The following ZNF337 variants were observed in gnomAD, a reference collection of about 807,000 sequenced individuals.
ZNF337 encodes zinc finger protein 337.
A neutral mutation model predicts 12.1 loss-of-function variants in ZNF337; 8 were observed. The ratio of observed to expected loss-of-function variants is 0.66; its 90% CI spans 0.39 to 1.19. The LOEUF (loss-of-function observed/expected upper bound fraction) is 1.19, where lower values mean the gene tolerates loss of function less well. ZNF337 is among the 50% of genes most tolerant of loss of function. The probability of loss-of-function intolerance (pLI) is 0.01; values close to 1 mark genes in which losing one functional copy is unlikely to be tolerated. For missense variants in ZNF337, 882 were observed against 896.6 expected, an observed-to-expected ratio of 0.98 and a Z score of 0.21; for synonymous variants, 336 against 320.0, an observed-to-expected ratio of 1.05 and a Z score of -0.53.
rs539014226 is a variant in ZNF337, at chr20:25,676,661, T to A, written c.627A>T (p.Thr209=). 3 of 1,614,228 alleles carry A rather than the reference T, an allele frequency of 1.9e-6. No individual in the cohort carries two copies. The South Asian group carries it at 3.3e-5, about 18-fold the overall frequency. ...TAAAGCCCTGGTGACACTCCCTGCA[T>A]GTAAAAAGTTTCTGCCTGGAATGTG... is the stretch of plus-strand genomic sequence containing the variant. The part of the protein sequence containing the change: ...KKAHSRQKLF[T]CRECHQGFRD... The change falls in exon 5 of 5, where the codon ACA becomes ACT. Residue 209 remains threonine (T), a synonymous_variant. Transcript: ENST00000252979.
rs758246927 is a variant in ZNF337 at position 25,674,451 on chromosome 20, G to A, written c.*581C>T. On this transcript the variant is annotated 3_prime_UTR_variant, in exon 5 of 5. Transcript: ENST00000252979. ...AAGGGCACCTGATCCCATTCGCAAAGCTCTATCTTCGTGACTTGACTTAAT... is the reference window on the plus strand; with the variant it reads ...AAGGGCACCTGATCCCATTCGCAAAACTCTATCTTCGTGACTTGACTTAAT... 6.5e-6 allele frequency: 1 copy of A among 152,694 alleles called. No homozygotes were observed. Among genetic ancestry groups the A allele is most frequent in the African/African-American group, 2.4e-5 (1 of 41,428 alleles). 9.5% of individuals were successfully genotyped at this position (152,694 alleles called of 1,614,324 possible). A position where few individuals can be genotyped will look rare whatever the true frequency, so the allele number is the denominator to read the frequency against.
intron 4 of ZNF337, among the ~76,000 whole-genome samples, chr20:25,681,602 T>C (rs1231787831): frequency 3.3e-5 from 5 of 152,186 alleles, no homozygotes; most frequent in African/African-American, 1.2e-4. Context: ...TTAAGGCATA[T>C]TGAACAAAAT....
chr20:25,674,952 T>C lies in ZNF337; in HGVS notation c.*80A>G. ...CTCTGTTATATCTTCACGAACAAGT[T>C]ATGCAGCCTCAACTAAAGCTTGTAA... On this transcript the variant is annotated 3_prime_UTR_variant, in exon 5 of 5. Transcript: ENST00000252979. The C allele has an allele frequency of 1.5e-6, 2 of 1,331,756 alleles. No individual in the cohort carries two copies. Among genetic ancestry groups the C allele is most frequent in the South Asian group, 1.4e-5 (1 of 73,330 alleles). The allele number at this position is 1,331,756 out of a possible 1,614,324, so 82.5% of individuals were successfully genotyped here.
At position 25,674,732 on chromosome 20, in the gene ZNF337, G is replaced by A; in HGVS notation, c.*300C>T. On this transcript the variant is annotated 3_prime_UTR_variant, in exon 5 of 5. Coordinates refer to ENST00000252979, the MANE Select transcript of ZNF337 (RefSeq NM_015655.4). ...AGTCACTGGCTAAGAGCAGTCCTTA[G>A]AAAGCACAGCCTGGCACAAATACAA... is the stretch of plus-strand genomic sequence containing the variant. The A allele has an allele frequency of 2.6e-6, 1 of 388,024 alleles. No homozygotes were observed. The highest frequency in any genetic ancestry group is 3.5e-5 in the South Asian group (1 of 28,948). The allele number at this position is 388,024 out of a possible 1,614,324, so 24.0% of individuals were successfully genotyped here.
intron 4 of ZNF337, among the ~76,000 whole-genome samples, chr20:25,682,003 C>G (rs1030991801): frequency 2.6e-5 from 4 of 152,138 alleles, no homozygotes; most frequent in African/African-American, 9.7e-5. Context: ...GGCAGATCGA[C>G]AGGTGTTCAT....
At chr20:25,693,551 G>A (rs867686570) in intron 1 of ZNF337, among the ~76,000 whole-genome samples, 2 of 152,146 alleles carry the variant, frequency 1.3e-5, no homozygotes, top group African/African-American at 2.4e-5. Context: ...TACAAGACCT[G>A]GTCTGCACCA....
At position 25,675,889 on chromosome 20, in the gene ZNF337, G is replaced by A. The variant is rs16987972; in HGVS notation, c.1399C>T (p.Arg467Ter). 3.5e-5 allele frequency: 57 copies of A among 1,613,954 alleles called. No homozygotes were observed. The highest frequency in any genetic ancestry group is 1.8e-4 in the East Asian group (8 of 44,876). The change falls in exon 5 of 5, where the codon CGA becomes TGA. Residue 467 changes from arginine to a stop codon, truncating the protein, a stop_gained. Transcript: ENST00000252979. LOFTEE classifies it low-confidence loss of function (END_TRUNC). ...AAGGTTGACTTTTGGATAAAGCCTC[G>A]TCCACAGTCCTTGCACACAAAAGGC... Reference protein sequence around the residue: ...EKPFVCKDCGRGFIQKSTFTL... With the variant: ...EKPFVCKDCG
chr20:25,689,896 C>G (rs1263218594), intron 1 of ZNF337, among the ~76,000 whole-genome samples: 1 of 152,162 alleles, frequency 6.6e-6, no homozygotes, highest in Non-Finnish European at 1.5e-5. Flanking sequence ...AAAAAATTGG[C>G]TAAAATAATC....
At chr20:25,690,903 T>C (rs966870810) in intron 1 of ZNF337, among the ~76,000 whole-genome samples, 4 of 152,164 alleles carry the variant, frequency 2.6e-5, no homozygotes, top group Non-Finnish European at 5.9e-5. Context: ...AAAAGGAGGT[T>C]GTTTTTTCCA....
In ZNF337 at chr20:25,675,451, A is replaced by C; in HGVS notation, c.1837T>G (p.Ser613Ala). ...GCAAGCTGGTGTTTCACAAGATTTG[A>C]CTTCCAGATAAATCCTTGCCCACAT... ...SECGQGFIWK[S>A]NLVKHQLAHS... The change falls in exon 5 of 5, where the codon TCA becomes GCA. Residue 613 changes from serine to alanine, a missense_variant. Transcript: ENST00000252979. 6.2e-7 allele frequency: 1 copy of C among 1,613,042 alleles called. No individual in the cohort carries two copies. The highest frequency in any genetic ancestry group is 8.5e-7 in the Non-Finnish European group (1 of 1,179,746).
At chr20:25,696,682 G>A (rs2065935259) in intron 1 of ZNF337, 77 bp downstream of exon 1, 2 of 945,250 alleles carry the variant, frequency 2.1e-6, no homozygotes, top group Non-Finnish European at 1.3e-6. Context: ...GCGCCCTCAC[G>A]TCCCAGGCCT....
chr20:25,690,790 G>A (rs566605891), intron 1 of ZNF337, among the ~76,000 whole-genome samples: 46 of 152,290 alleles, frequency 3.0e-4, no homozygotes, highest in African/African-American at 1.1e-3. Context: ...AAAGGCCTGA[G>A]AAAATCTTAA....
chr20:25,688,534 T>C (rs1027815748), intron 1 of ZNF337, among the ~76,000 whole-genome samples: 2 of 152,190 alleles, frequency 1.3e-5, no homozygotes, highest in African/African-American at 4.8e-5. Context: ...CCATTAAATA[T>C]GATGATTGCA....
chr20:25,676,931 T>C lies in ZNF337; in HGVS notation c.357A>G (p.Glu119=). Reference sequence around the variant, plus strand: ...TAGTGCTTTTTTCTTTCTCTTGACCTTCAGCTGTGTCACTCTGGAAGCTTT... The same window carrying C: ...TAGTGCTTTTTTCTTTCTCTTGACCCTCAGCTGTGTCACTCTGGAAGCTTT... The part of the protein sequence containing the change: ...SDQSFQSDTA[E]GQEKEKSTKP... Residue 119 remains glutamate, a synonymous_variant, in exon 5 of 5, where the codon GAA becomes GAG. Transcript: ENST00000252979. The C allele has an allele frequency of 1.2e-6, 2 of 1,614,182 alleles. No individual in the cohort carries two copies. Among genetic ancestry groups the C allele is most frequent in the Non-Finnish European group, 1.7e-6 (2 of 1,180,030 alleles).
In ZNF337 at chr20:25,673,967, C is replaced by G. The variant is rs959294820; in HGVS notation, c.*1065G>C. The G allele has an allele frequency of 6.6e-6, 1 of 152,224 alleles. No individual in the cohort carries two copies. The allele number at this position is 152,224 out of a possible 1,614,324, so 9.4% of individuals were successfully genotyped here. On this transcript the variant is annotated 3_prime_UTR_variant, in exon 5 of 5. Coordinates refer to ENST00000252979, the MANE Select transcript of ZNF337 (RefSeq NM_015655.4). Reference sequence around the variant, plus strand: ...AAATATTTTGCAGCTAACCACCTACCTGTGCCCCACCAGCCAACATGCTTT... The same window carrying G: ...AAATATTTTGCAGCTAACCACCTACGTGTGCCCCACCAGCCAACATGCTTT...
At chr20:25,688,150 T>A (rs2065851619) in intron 1 of ZNF337, among the ~76,000 whole-genome samples, 1 of 152,262 alleles carries the variant, frequency 6.6e-6, no homozygotes, top group Non-Finnish European at 1.5e-5. Flanking sequence ...TATTCCAAAG[T>A]CACAAAGATA....
At chr20:25,686,894 T>A (rs990982160) in intron 1 of ZNF337, 1 of 188,642 alleles carries the variant, frequency 5.3e-6, no homozygotes, top group African/African-American at 2.3e-5. Context: ...GCAGATGGCA[T>A]TGGCAGTTAT....
chr20:25,685,954 C>A, intron 3 of ZNF337, 42 bp downstream of exon 3: 1 of 1,583,350 alleles, frequency 6.3e-7, no homozygotes, highest in Non-Finnish European at 8.6e-7. Flanking sequence ...ACATCAGAGG[C>A]ACCACAGGCC....
At position 25,675,155 on chromosome 20, in the gene ZNF337, C is replaced by T. The variant is rs966114077; in HGVS notation, c.2133G>A (p.Arg711=). The T allele has an allele frequency of 4.3e-6, 7 of 1,614,106 alleles. No homozygotes were observed. In the Admixed American group the frequency reaches 8.3e-5, roughly 19 times the overall value. The change falls in exon 5 of 5, where the codon AGG becomes AGA. Residue 711 remains arginine (R), a synonymous_variant. Coordinates refer to ENST00000252979, the MANE Select transcript of ZNF337 (RefSeq NM_015655.4). Reference sequence around the variant, plus strand: ...GTCCACACTCTTGGCATTCATAAGGCCTCTCTCCTGTGTGTATTCTTTCAT... The same window carrying T: ...GTCCACACTCTTGGCATTCATAAGGTCTCTCTCCTGTGTGTATTCTTTCAT... ...TVHERIHTGE[R]PYECQECGRK...
Sources: allele counts gnomAD v4.1 joint callset (sites outside exome capture counted in the v4.1 genomes callset), GRCh38; gene constraint gnomAD v4.1.1; transcripts MANE v1.5; gene names NCBI Gene and HGNC (gene_info 2026-07-23, HGNC 2026-07-21).